Variants in RNF213 observed in about 807,000 individuals in gnomAD.
RNF213 encodes E3 ubiquitin-protein ligase RNF213.
Under a neutral mutation model 514.4 loss-of-function variants are expected in RNF213, and 341 were observed. The observed-to-expected ratio is 0.66, with a 90% confidence interval of 0.61 to 0.73. The LOEUF (loss-of-function observed/expected upper bound fraction) is 0.73, where lower values mean the gene tolerates loss of function less well. Among genes scored for constraint, RNF213 ranks in the 30% least tolerant of loss-of-function variants. The pLI, the probability that RNF213 is intolerant of heterozygous loss-of-function variation, is 0.00. For missense variants in RNF213, 5,767 were observed against 6,615.6 expected, an observed-to-expected ratio of 0.87 and a Z score of 4.45; for synonymous variants, 2,655 against 2,658.2, an observed-to-expected ratio of 1.00 and a Z score of 0.04.
intron 11 of RNF213, among the ~76,000 whole-genome samples, chr17:80,300,392 C>T (rs564521343): frequency 3.4e-4 from 51 of 151,716 alleles, no homozygotes; most frequent in African/African-American, 9.9e-4. Context: ...TGGTAGTGTG[C>T]GCCACCACAT....
At position 80,388,615 on chromosome 17, in the gene RNF213, A is replaced by G. The variant is rs1286804212; in HGVS notation, c.14926A>G (p.Ile4976Val). 1.2e-6 allele frequency: 2 copies of G among 1,607,416 alleles called. No homozygotes were observed. The highest frequency in any genetic ancestry group is 1.7e-6 in the Non-Finnish European group (2 of 1,174,456). ...QGKPRLSLKG[I>V]PTLVYRHDWN... ...ACTTTTTTCTTTCCCAATTTAGGGA[A>G]TACCCACTCTGGTGTACAGACACGA... Residue 4976 changes from isoleucine to valine, a missense_variant, in exon 64 of 68, where the codon ATA becomes GTA. Physicochemically the swap from Ile to Val is conservative, Grantham distance 29 (BLOSUM62 3). Coordinates refer to ENST00000582970, the MANE Select transcript of RNF213 (RefSeq NM_001256071.3).
rs142824974 is a variant in RNF213 at position 80,329,178 on chromosome 17, C to T, written c.3517+701C>T. On this transcript the variant is annotated intron_variant, in intron 20 of 67. Coordinates refer to ENST00000582970, the MANE Select transcript of RNF213 (RefSeq NM_001256071.3). ...GGTTAGACGTGGTTCCCACGCCCCC[C>T]TCCCCCGCTACTCACTCCTGCTTCC... Among the ~76,000 whole-genome samples, 7 of 152,352 alleles carry T rather than the reference C, an allele frequency of 4.6e-5. No homozygotes were observed. In the East Asian group the frequency reaches 1.4e-3, roughly 29 times the overall value.
Position 80,376,867 on chromosome 17 carries a change from C to G in RNF213, c.13429-15C>G, listed in dbSNP as rs1466882429. On this transcript the variant is annotated splice_polypyrimidine_tract_variant and intron_variant, in intron 52 of 67. Coordinates refer to ENST00000582970, the MANE Select transcript of RNF213 (RefSeq NM_001256071.3). Reference sequence around the variant, plus strand: ...CTCACTTATCTAGAGCTGTCTCTGTCTTCTTGTTTTTCAGCATGCTTTTCT... The same window carrying G: ...CTCACTTATCTAGAGCTGTCTCTGTGTTCTTGTTTTTCAGCATGCTTTTCT... 1 of 1,611,986 alleles carries G rather than the reference C, an allele frequency of 6.2e-7. No individual in the cohort carries two copies. Among genetic ancestry groups the G allele is most frequent in the South Asian group, 1.1e-5 (1 of 90,764 alleles).
At chr17:80,386,574 T>A in intron 62 of RNF213, 116 bp from the exon 63 acceptor site, 1 of 1,417,266 alleles carries the variant, frequency 7.1e-7, no homozygotes, top group Non-Finnish European at 9.9e-7. Flanking sequence ...GCCCCATACT[T>A]GGGTAGGGTT....
At chr17:80,322,153 A>AC (rs1445799070) in intron 17 of RNF213, among the ~76,000 whole-genome samples, 1 of 68,406 alleles carries the variant, frequency 1.5e-5, no homozygotes, top group East Asian at 6.9e-4. Flanking sequence ...CATCCCCCCC[A>AC]CCCCCCCTTT....
rs766417220 is a variant in RNF213 at position 80,346,292 on chromosome 17, G to A, written c.7957G>A (p.Glu2653Lys). 1.5e-5 allele frequency: 24 copies of A among 1,613,918 alleles called. No individual in the cohort carries two copies. The highest frequency in any genetic ancestry group is 1.9e-5 in the Non-Finnish European group (23 of 1,180,002). ...TGTGAAAGTTTTCAGGTGGTTCCAC[G>A]AGCACAGCGCGATGCTCTTAGCGCA... ...RCVKVFRWFH[E>K]HSAMLLAQLN... Residue 2653 changes from glutamate (E) to lysine (K), a missense_variant, in exon 29 of 68, where the codon GAG becomes AAG. Around this residue, in one of 13 missense-constraint regions of RNF213, gnomAD observed 1,377 missense variants for 1,635.2 expected, o/e 0.84. Transcript: ENST00000582970. This position sits in a 1 kb window ranked among gnomAD's most constrained non-coding sequence, Gnocchi z 8.1.
rs770814113 is a variant in RNF213, at chr17:80,339,731, C to T, written c.5364C>T (p.Cys1788=). ...LRIIMEQSMR[C]LPAFLPDCLD... ...TCATCATGGAGCAGTCCATGAGGTG[C>T]CTTCCTGCCTTCCTGCCCGACTGCC... The change falls in exon 26 of 68, where the codon TGC becomes TGT. Residue 1788 remains cysteine, a synonymous_variant. Transcript: ENST00000582970. 3.9e-6 allele frequency: 6 copies of T among 1,537,130 alleles called. No homozygotes were observed. The highest frequency in any genetic ancestry group is 4.4e-6 in the Non-Finnish European group (5 of 1,146,850).
intron 50 of RNF213, 136 bp downstream of exon 50, chr17:80,374,725 C>T (rs760963535): frequency 1.0e-5 from 11 of 1,078,204 alleles, no homozygotes; most frequent in African/African-American, 9.4e-5. Flanking sequence ...TTGGAAGTCA[C>T]GTGCCCACAG....
intron 22 of RNF213, among the ~76,000 whole-genome samples, chr17:80,334,625 T>G (rs113174770): frequency 0.045 from 6,815 of 151,856 alleles, 189 homozygotes; most frequent in Non-Finnish European, 0.064. Context: ...GGTTTTTTTT[T>G]TTTGTTTGTT....
At chr17:80,305,618 T>TG in intron 11 of RNF213, among the ~76,000 whole-genome samples, 1 of 65,390 alleles carries the variant, frequency 1.5e-5, no homozygotes, top group African/African-American at 1.8e-4. Flanking sequence ...TTTTCTTTCC[T>TG]TTTTTTTTTT....
In RNF213 at chr17:80,397,814, T is replaced by C. The variant is rs1444063952; in HGVS notation, c.*4316T>C. 1.3e-5 allele frequency: 2 copies of C among 150,248 alleles called. No homozygotes were observed. The highest frequency in any genetic ancestry group is 3.0e-5 in the Non-Finnish European group (2 of 67,784). The allele number at this position is 150,248 out of a possible 1,614,324, so 9.3% of individuals were successfully genotyped here. A position where few individuals can be genotyped will look rare whatever the true frequency, so the allele number is the denominator to read the frequency against. ...GTTCCCTGACCAGGAATCTAGGTGA[T>C]TAATGGATGGTTGAGGCAGCCCCTC... On this transcript the variant is annotated 3_prime_UTR_variant, in exon 68 of 68. Transcript: ENST00000582970.
chr17:80,284,612 C>T (rs988231619), intron 3 of RNF213, among the ~76,000 whole-genome samples: 1 of 152,170 alleles, frequency 6.6e-6, no homozygotes, highest in Non-Finnish European at 1.5e-5. Context: ...TTTCTAATCC[C>T]ATTGAGGAAG....
chr17:80,328,838 A>G (rs1306715516), intron 20 of RNF213, among the ~76,000 whole-genome samples: 1 of 152,110 alleles, frequency 6.6e-6, no homozygotes, highest in Non-Finnish European at 1.5e-5. Context: ...GAGTTGCATC[A>G]TTGTTTAGGG....
intron 36 of RNF213, chr17:80,355,241 C>T: frequency 2.2e-6 from 1 of 455,998 alleles, no homozygotes; most frequent in Non-Finnish European, 4.4e-6. Flanking sequence ...CAGGTCCAAG[C>T]TTCTGTGCCA....
Position 80,386,360 on chromosome 17 carries a change from G to T in RNF213, c.14650G>T (p.Val4884Phe). ...CCTGGGCCTCTGTGCTACCGCTCTCGTCAGCTACTTGATTCGCCTACACAA... is the reference window on the plus strand; with the variant it reads ...CCTGGGCCTCTGTGCTACCGCTCTCTTCAGCTACTTGATTCGCCTACACAA... ...RGLGLCATAL[V>F]SYLIRLHNEI... is the part of the protein sequence containing the mutation. Residue 4884 changes from valine (V) to phenylalanine (F), a missense_variant, in exon 62 of 68, where the codon GTC (valine) becomes TTC (phenylalanine). By Grantham distance (50) the Val-to-Phe change is conservative. Transcript: ENST00000582970. 1 of 1,614,134 alleles carries T rather than the reference G, an allele frequency of 6.2e-7. No individual in the cohort carries two copies. The highest frequency in any genetic ancestry group is 1.1e-5 in the South Asian group (1 of 91,086).
chr17:80,393,529 T>C lies in RNF213; in HGVS notation c.*31T>C, dbSNP rs2080569114. 1 of 1,612,342 alleles carries C rather than the reference T, an allele frequency of 6.2e-7. No individual in the cohort carries two copies. ...TTTCCTCAGCTATCTTTGGATGACTTTGGAGAGAAGACTCCTCTCTCCTCG... is the reference window on the plus strand; with the variant it reads ...TTTCCTCAGCTATCTTTGGATGACTCTGGAGAGAAGACTCCTCTCTCCTCG... On this transcript the variant is annotated 3_prime_UTR_variant, in exon 68 of 68. Transcript: ENST00000582970.
Position 80,288,317 on chromosome 17 carries a change from C to G in RNF213, c.764C>G (p.Thr255Arg). 1 of 1,612,750 alleles carries G rather than the reference C, an allele frequency of 6.2e-7. No individual in the cohort carries two copies. The highest frequency in any genetic ancestry group is 8.5e-7 in the Non-Finnish European group (1 of 1,179,964). The change falls in exon 4 of 68, where the codon ACA (threonine) becomes AGA (arginine). Residue 255 changes from threonine (T) to arginine (R), a missense_variant. By Grantham distance (71) the Thr-to-Arg change is moderately conservative. Coordinates refer to ENST00000582970, the MANE Select transcript of RNF213 (RefSeq NM_001256071.3). The surrounding 1 kb of genome is among the most constrained non-coding windows in gnomAD (Gnocchi z 4.9). ...AAAGGAGGCAGCTCTGAGCCCGGGA[C>G]AGAACTGCAGACCACCGAGCAACAG... ...ESKGGSSEPG[T>R]ELQTTEQQAG...
intron 62 of RNF213, 41 bp downstream of exon 62, chr17:80,386,471 CAG>C: frequency 6.2e-7 from 1 of 1,606,506 alleles, no homozygotes; most frequent in Non-Finnish European, 8.5e-7. Flanking sequence ...CTGCTCAGCC[CAG>C]AGTCCCTAAG....
intron 36 of RNF213, chr17:80,355,255 A>T: frequency 2.2e-6 from 1 of 455,506 alleles, no homozygotes; most frequent in South Asian, 1.5e-5. Flanking sequence ...TGTGCCAGTG[A>T]TAGGTTCGCT....
Sources: allele counts gnomAD v4.1 joint callset (sites outside exome capture counted in the v4.1 genomes callset), GRCh38; gene constraint gnomAD v4.1.1; regional missense constraint gnomAD v4.1.1; non-coding constraint Gnocchi (gnomAD v3.1); transcripts MANE v1.5; gene names NCBI Gene and HGNC (gene_info 2026-07-23, HGNC 2026-07-21).